The following ST6GALNAC1 variants were observed in gnomAD, a reference collection of about 807,000 sequenced individuals.
ST6GALNAC1 encodes alpha-N-acetylgalactosaminide alpha-2,6-sialyltransferase 1.
A neutral mutation model predicts 56.8 loss-of-function variants in ST6GALNAC1; 45 were observed. The ratio of observed to expected loss-of-function variants is 0.79; its 90% confidence interval spans 0.62 to 1.02. The LOEUF (loss-of-function observed/expected upper bound fraction) is 1.02, where lower values mean the gene tolerates loss of function less well. Among genes scored for constraint, ST6GALNAC1 ranks in the 50% least tolerant of loss-of-function variants. ST6GALNAC1 has a pLI of 0.00. For synonymous variants in ST6GALNAC1, 295 were observed against 297.8 expected (o/e 0.99, Z 0.10); for missense variants, 743 against 754.8 (o/e 0.98, Z 0.18).
chr17:76,640,390 G>C (rs1325257678), intron 1 of ST6GALNAC1, among the ~76,000 whole-genome samples: 1 of 152,156 alleles, frequency 6.6e-6, no homozygotes, highest in Non-Finnish European at 1.5e-5. Flanking sequence ...CTTAACATTT[G>C]CCCCTTAACT....
At chr17:76,631,065 C>G (rs113863607) in intron 1 of ST6GALNAC1, among the ~76,000 whole-genome samples, 10,311 of 146,862 alleles carry the variant, frequency 0.07, 412 homozygotes, top group African/African-American at 0.085. Flanking sequence ...CAGCTAATCT[C>G]TGTGTGTGTG....
In ST6GALNAC1 at chr17:76,629,187, A is replaced by C; in HGVS notation, c.656T>G (p.Val219Gly). Residue 219 changes from valine (V) to glycine (G), a missense_variant, in exon 2 of 9, where the codon GTG becomes GGG. Physicochemically the swap from Val to Gly is moderately radical, Grantham distance 109 (BLOSUM62 -3). Transcript: ENST00000156626. ...CTTAGGTGGGATGACTGCTGTGGTC[A>C]CTCCTTTCTGTCTCGTCCTTGTTGA... The part of the protein sequence containing the change: ...AVSTRTRQKG[V>G]TTAVIPPKEK... 6.2e-7 allele frequency: 1 copy of C among 1,613,544 alleles called. No homozygotes were observed. The highest frequency in any genetic ancestry group is 8.5e-7 in the Non-Finnish European group (1 of 1,179,856).
At chr17:76,632,972 G>A (rs541868779) in intron 1 of ST6GALNAC1, among the ~76,000 whole-genome samples, 53 of 152,168 alleles carry the variant, frequency 3.5e-4, no homozygotes, top group Non-Finnish European at 7.2e-4. Flanking sequence ...TTGGGAGGCC[G>A]AGGCGGGCAG....
chr17:76,625,947 CAGG>C (rs1188402735), intron 7 of ST6GALNAC1, 29 bp from the exon 8 acceptor site: 3 of 1,602,940 alleles, frequency 1.9e-6, no homozygotes, highest in Non-Finnish European at 1.7e-6. Context: ...CCCCAACTGT[CAGG>C]AGGCTGCAAG....
chr17:76,629,395 T>G lies in ST6GALNAC1; in HGVS notation c.448A>C (p.Arg150=), dbSNP rs1277362950. The part of the protein sequence containing the change: ...RGQDAGMASG[R]TEAQSWKSQD... ...CTCTTCCATGATTGTGCCTCTGTCC[T>G]GCCAGAGGCCATCCCTGCATCTTGC... The change falls in exon 2 of 9, where the codon AGG becomes CGG. Residue 150 remains arginine (R), a synonymous_variant. Transcript: ENST00000156626. The G allele has an allele frequency of 1.9e-6, 3 of 1,614,204 alleles. No individual in the cohort carries two copies. Among genetic ancestry groups the G allele is most frequent in the Non-Finnish European group, 2.5e-6 (3 of 1,180,016 alleles).
intron 1 of ST6GALNAC1, among the ~76,000 whole-genome samples, chr17:76,631,063 C>CTGTGTGTGTGTGTGTGTGTGTG (rs1331837039): frequency 2.7e-5 from 2 of 74,396 alleles, no homozygotes; most frequent in Admixed American, 3.1e-4. Context: ...CCCAGCTAAT[C>CTGTGTGTGTGTGTGTGTGTGTG]TCTGTGTGTG....
intron 1 of ST6GALNAC1, among the ~76,000 whole-genome samples, chr17:76,636,349 A>G (rs2075973162): frequency 6.6e-6 from 1 of 152,132 alleles, no homozygotes; most frequent in African/African-American, 2.4e-5. Context: ...ACTACTTCTT[A>G]CCATCATTGT....
chr17:76,639,416 A>ATACATCCC (rs1250123702), intron 1 of ST6GALNAC1, among the ~76,000 whole-genome samples: 13 of 151,950 alleles, frequency 8.6e-5, no homozygotes, highest in African/African-American at 2.9e-4. Context: ...TCTCCACTAA[A>ATACATCCC]AGTACAATAA....
At chr17:76,632,693 G>A (rs1193163096) in intron 1 of ST6GALNAC1, among the ~76,000 whole-genome samples, 1 of 152,106 alleles carries the variant, frequency 6.6e-6, no homozygotes, top group Admixed American at 6.5e-5. Context: ...TGCTCAAATT[G>A]TATCCATATG....
downstream of ST6GALNAC1, among the ~76,000 whole-genome samples, chr17:76,620,187 C>T (rs1454624878): frequency 2.0e-5 from 3 of 151,572 alleles, no homozygotes; most frequent in African/African-American, 2.4e-5. Context: ...ATTACAGGCA[C>T]GTGCCACCAT....
intron 1 of ST6GALNAC1, among the ~76,000 whole-genome samples, chr17:76,634,234 C>T (rs981962464): frequency 6.6e-6 from 1 of 152,184 alleles, no homozygotes; most frequent in Non-Finnish European, 1.5e-5. Flanking sequence ...TCTCAGTCCC[C>T]ACCATCAACT....
In ST6GALNAC1 at chr17:76,625,478, T is replaced by C; in HGVS notation, c.1655A>G (p.His552Arg). 2.5e-6 allele frequency: 4 copies of C among 1,614,138 alleles called. No homozygotes were observed. Among genetic ancestry groups the C allele is most frequent in the Non-Finnish European group, 3.4e-6 (4 of 1,180,038 alleles). Residue 552 changes from histidine (H) to arginine (R), a missense_variant, in exon 9 of 9, where the codon CAC becomes CGC. Physicochemically the swap from His to Arg is conservative, Grantham distance 29. Transcript: ENST00000156626. ...CCGCTTCCATGATGTATCATAGTAG[T>C]GATCAGAAAAGCGCTCATGGCCCTC... ...ITEGHERFSD[H>R]YYDTSWKRLI...
At chr17:76,640,301 C>G (rs1287425671) in intron 1 of ST6GALNAC1, among the ~76,000 whole-genome samples, 1 of 152,134 alleles carries the variant, frequency 6.6e-6, no homozygotes, top group Non-Finnish European at 1.5e-5. Flanking sequence ...CTGCCTCTTC[C>G]CAGGTACATT....
intron 1 of ST6GALNAC1, among the ~76,000 whole-genome samples, chr17:76,643,226 C>T (rs2143503712): frequency 6.6e-6 from 1 of 152,344 alleles, no homozygotes. Context: ...TCTGTCTGCA[C>T]TCTGCAGACC....
downstream of ST6GALNAC1, among the ~76,000 whole-genome samples, chr17:76,624,364 C>T (rs1188994637): frequency 6.6e-6 from 1 of 152,188 alleles, no homozygotes; most frequent in East Asian, 1.9e-4. Flanking sequence ...ATTCTCCTGT[C>T]TCAGCCTCCC....
Position 76,643,606 on chromosome 17 carries a change from C to T in ST6GALNAC1, c.33G>A (p.Leu11=). ...GCAAGGACCACTGGACGCCTTGGCT[C>T]AGGTGCCTGCATCTCCACAGGCAGG... is the stretch of plus-strand genomic sequence containing the variant. The part of the protein sequence containing the change: MRSCLWRCRH[L]SQGVQWSLLL... The change falls in exon 1 of 9, where the codon CTG becomes CTA. Residue 11 remains leucine, a synonymous_variant. Coordinates refer to ENST00000156626, the MANE Select transcript of ST6GALNAC1 (RefSeq NM_018414.5). 1.9e-6 allele frequency: 3 copies of T among 1,614,078 alleles called. No homozygotes were observed.
At position 76,627,268 on chromosome 17, in the gene ST6GALNAC1, G is replaced by A. The variant is rs781019171; in HGVS notation, c.1001-30C>T. The A allele has an allele frequency of 6.5e-7, 1 of 1,549,904 alleles. No homozygotes were observed. Among genetic ancestry groups the A allele is most frequent in the South Asian group, 1.2e-5 (1 of 80,716 alleles). ...AACAAGAGTGGGGGTGCTCCATTCAGAGCCCTGGGAGGGACAGGAGTCCGA... is the reference window on the plus strand; with the variant it reads ...AACAAGAGTGGGGGTGCTCCATTCAAAGCCCTGGGAGGGACAGGAGTCCGA... On this transcript the variant is annotated intron_variant, in intron 3 of 8. Transcript: ENST00000156626. This position sits in a 1 kb window ranked among gnomAD's most constrained non-coding sequence, Gnocchi z 4.4.
downstream of ST6GALNAC1, among the ~76,000 whole-genome samples, chr17:76,620,581 C>CT (rs557882355): frequency 0.19 from 26,858 of 142,548 alleles, 2,494 homozygotes; most frequent in African/African-American, 0.2. Context: ...CTTTGTGTTC[C>CT]TTTTTTTTTT....
chr17:76,643,003 T>G (rs1346974597), intron 1 of ST6GALNAC1, among the ~76,000 whole-genome samples: 1 of 152,122 alleles, frequency 6.6e-6, no homozygotes, highest in African/African-American at 2.4e-5. Flanking sequence ...AGAAGGTATT[T>G]TTGAAGGATT....
Sources: allele counts gnomAD v4.1 joint callset (sites outside exome capture counted in the v4.1 genomes callset), GRCh38; gene constraint gnomAD v4.1.1; non-coding constraint Gnocchi (gnomAD v3.1); transcripts MANE v1.5; gene names NCBI Gene and HGNC (gene_info 2026-07-23, HGNC 2026-07-21).